JAM3: variants seen among roughly 807,000 people sequenced by gnomAD.
JAM3 encodes the protein junctional adhesion molecule 3, also known as junctional adhesion molecule C.
A neutral mutation model predicts 39.4 loss-of-function variants in JAM3; 31 were observed. The ratio of observed to expected loss-of-function variants is 0.79; its 90% CI spans 0.59 to 1.06. JAM3 has a LOEUF of 1.06. Ranked by LOEUF, JAM3 falls within the 50% of genes least tolerant of loss-of-function variation. The pLI, the probability that JAM3 is intolerant of heterozygous loss-of-function variation, is 0.00. For synonymous variants in JAM3, 182 were observed against 148.7 expected (o/e 1.22, Z -1.63); for missense variants, 455 against 391.4 (o/e 1.16, Z -1.37).
chr11:134,126,869 AAGGATAATAATAACTTC>A (rs1942657806), intron 1 of JAM3, among the ~76,000 whole-genome samples: 1 of 152,248 alleles, frequency 6.6e-6, no homozygotes, highest in Non-Finnish European at 1.5e-5. Flanking sequence ...TTCTGGCCTT[AAGGATAATAATAACTTC>A]TCCTTCTCTG....
chr11:134,109,343 TAGGA>T (rs796459752), intron 1 of JAM3, among the ~76,000 whole-genome samples: 110 of 152,290 alleles, frequency 7.2e-4, no homozygotes, highest in African/African-American at 2.6e-3. Context: ...TAAAAAAAAT[TAGGA>T]AGAAGTAAAG....
intron 1 of JAM3, among the ~76,000 whole-genome samples, chr11:134,070,683 T>G (rs978800969): frequency 2.6e-5 from 4 of 152,238 alleles, no homozygotes; most frequent in Non-Finnish European, 5.9e-5. Context: ...TCTCTATTGT[T>G]GAAAAGATCT....
At chr11:134,103,094 G>GTT (rs1942108012) in intron 1 of JAM3, among the ~76,000 whole-genome samples, 1 of 152,194 alleles carries the variant, frequency 6.6e-6, no homozygotes, top group Non-Finnish European at 1.5e-5. Context: ...AGGAAAAAAT[G>GTT]TTAAGGGCAG....
At chr11:134,084,854 T>G (rs1174748534) in intron 1 of JAM3, among the ~76,000 whole-genome samples, 1 of 152,206 alleles carries the variant, frequency 6.6e-6, no homozygotes, top group African/African-American at 2.4e-5. Flanking sequence ...CCACTCTTCT[T>G]CCCTCTGTCA....
At chr11:134,133,745 A>T (rs1942811274) in intron 1 of JAM3, among the ~76,000 whole-genome samples, 1 of 152,136 alleles carries the variant, frequency 6.6e-6, no homozygotes, top group Non-Finnish European at 1.5e-5. Context: ...ACTGAGACCT[A>T]ATCATAGGTC....
intron 1 of JAM3, among the ~76,000 whole-genome samples, chr11:134,108,157 G>C (rs765520476): frequency 2.2e-4 from 33 of 151,952 alleles, no homozygotes; most frequent in Admixed American, 1.6e-3. Flanking sequence ...AAAATATTAT[G>C]AACAACTTTA....
intron 1 of JAM3, among the ~76,000 whole-genome samples, chr11:134,071,379 T>G (rs1254364664): frequency 6.6e-6 from 1 of 152,244 alleles, no homozygotes. Flanking sequence ...TTTTTAGTTA[T>G]TTGTATTATT....
At chr11:134,129,003 G>A (rs914206201) in intron 1 of JAM3, among the ~76,000 whole-genome samples, 2 of 152,126 alleles carry the variant, frequency 1.3e-5, no homozygotes, top group Admixed American at 6.6e-5. Context: ...CAAAATCAAG[G>A]TGCTGGCAGG....
At position 134,084,374 on chromosome 11, in the gene JAM3, A is replaced by AGG. The variant is rs767853126; in HGVS notation, c.76+15215_76+15216insGG. On this transcript the variant is annotated intron_variant, in intron 1 of 8. Transcript: ENST00000299106. ...CTCCGCTATGTGATTGTTGAAGTCA[A>AGG]TTTCCTTATCTATAAAAGAGTAGTA... Among the ~76,000 whole-genome samples, 10 of 152,318 alleles carry AGG rather than the reference A, an allele frequency of 6.6e-5. No homozygotes were observed. The South Asian group carries it at 1.0e-3, about 16-fold the overall frequency.
chr11:134,110,910 A>G (rs1942296853), intron 1 of JAM3, among the ~76,000 whole-genome samples: 1 of 152,104 alleles, frequency 6.6e-6, no homozygotes, highest in Admixed American at 6.5e-5. Context: ...ATGTGTGGCC[A>G]TGTGAATGAG....
intron 1 of JAM3, among the ~76,000 whole-genome samples, chr11:134,116,353 G>A (rs1222442076): frequency 6.6e-6 from 1 of 151,854 alleles, no homozygotes; most frequent in Non-Finnish European, 1.5e-5. Flanking sequence ...TTCTACATTT[G>A]TTCATTGTAA....
At chr11:134,077,650 CTTTTTTTTTT>C (rs71038558) in intron 1 of JAM3, among the ~76,000 whole-genome samples, 177 of 102,048 alleles carry the variant, frequency 1.7e-3, no homozygotes, top group African/African-American at 7.1e-3. Flanking sequence ...TGGCTGGCGC[CTTTTTTTTTT>C]TTTTTTTTTT....
Position 134,106,549 on chromosome 11 carries a change from A to G in JAM3, c.77-33302A>G, listed in dbSNP as rs555931257. On this transcript the variant is annotated intron_variant, in intron 1 of 8. Transcript: ENST00000299106. ...GCAAAAGAAACTACCATCAGAGTGA[A>G]CAGGCAACCTACAGAATGGGAGAAA... Among the ~76,000 whole-genome samples, 43 of 152,352 alleles carry G rather than the reference A, an allele frequency of 2.8e-4. No homozygotes were observed. In the South Asian group the frequency reaches 3.7e-3, roughly 13 times the overall value.
At chr11:134,113,297 C>T (rs1942354206) in intron 1 of JAM3, among the ~76,000 whole-genome samples, 1 of 151,410 alleles carries the variant, frequency 6.6e-6, no homozygotes, top group East Asian at 2.0e-4. Flanking sequence ...CACCCATTAA[C>T]TCGTCATTTA....
rs1366125320 is a variant in JAM3, at chr11:134,069,124, G to C, written c.41G>C (p.Arg14Pro). Residue 14 changes from arginine (R) to proline (P), a missense_variant, in exon 1 of 9, where the codon CGG becomes CCG. By Grantham distance (103) the Arg-to-Pro change is moderately radical (BLOSUM62 -2). Coordinates refer to ENST00000299106, the MANE Select transcript of JAM3 (RefSeq NM_032801.5). ...CCACCGCGACTCCGGCTCTGCGCTC[G>C]GCTGCCTGACTTCTTCCTGCTGCTG... Reference protein sequence around the residue: ...RRPPRLRLCARLPDFFLLLLF... With the variant: ...RRPPRLRLCAPLPDFFLLLLF... The C allele has an allele frequency of 6.2e-7, 1 of 1,612,770 alleles. No individual in the cohort carries two copies.
chr11:134,113,696 G>C (rs1015645589), intron 1 of JAM3, among the ~76,000 whole-genome samples: 9 of 152,156 alleles, frequency 5.9e-5, no homozygotes, highest in Non-Finnish European at 1.3e-4. Flanking sequence ...ATAATCCTTT[G>C]GGTATATACC....
At chr11:134,148,051 G>A (rs1158349673) in intron 6 of JAM3, 1 of 198,572 alleles carries the variant, frequency 5.0e-6, no homozygotes, top group East Asian at 1.3e-4. Flanking sequence ...AGCCGGCAGA[G>A]ACAAAGCTCT....
chr11:134,125,046 G>C (rs536656298), intron 1 of JAM3, among the ~76,000 whole-genome samples: 1 of 152,154 alleles, frequency 6.6e-6, no homozygotes, highest in Non-Finnish European at 1.5e-5. Flanking sequence ...GCGTCTCCAC[G>C]AGTCTGTCTT....
chr11:134,124,150 T>G, intron 1 of JAM3: 1 of 1,455,394 alleles, frequency 6.9e-7, no homozygotes, highest in Non-Finnish European at 9.6e-7. Context: ...AGAAGGTGGA[T>G]TCCTTCTTTT....
Sources: gnomAD v4.1 joint callset for allele counts (sites outside exome capture counted in the v4.1 genomes callset) on GRCh38, gnomAD v4.1.1 for gene constraint, MANE v1.5 for transcripts, NCBI Gene and HGNC (gene_info 2026-07-23, HGNC 2026-07-21) for gene names.